MOXD1: variants seen among roughly 807,000 people sequenced by gnomAD.
MOXD1 encodes monooxygenase DBH like 1.
A neutral mutation model predicts 66.6 loss-of-function variants in MOXD1; 62 were observed. The ratio of observed to expected loss-of-function variants is 0.93; its 90% CI spans 0.76 to 1.15. The LOEUF (loss-of-function observed/expected upper bound fraction) is 1.15, where lower values mean the gene tolerates loss of function less well. Among genes scored for constraint, MOXD1 ranks in the 50% most tolerant of loss-of-function variants. MOXD1 has a pLI of 0.00. For missense variants in MOXD1, 847 were observed against 754.6 expected (o/e 1.12, Z -1.44); for synonymous variants, 303 against 281.9 (o/e 1.07, Z -0.75).
At chr6:132,357,352 A>G (rs1775927977) in intron 4 of MOXD1, among the ~76,000 whole-genome samples, 1 of 152,134 alleles carries the variant, frequency 6.6e-6, no homozygotes, top group African/African-American at 2.4e-5. Flanking sequence ...TGAAAAAAGA[A>G]CTTAGTTCTC....
intron 1 of MOXD1, chr6:132,391,471 A>T (rs879362141): frequency 3.9e-5 from 6 of 152,218 alleles, no homozygotes; most frequent in Non-Finnish European, 7.3e-5. Flanking sequence ...AACAAGTTAA[A>T]AAGAAATAGA....
intron 1 of MOXD1, among the ~76,000 whole-genome samples, chr6:132,375,274 T>C (rs1396880382): frequency 6.6e-6 from 1 of 152,192 alleles, no homozygotes; most frequent in Non-Finnish European, 1.5e-5. Flanking sequence ...TGTTTCAATA[T>C]GACTTTTAAT....
At chr6:132,330,145 G>A (rs892186049) in intron 4 of MOXD1, among the ~76,000 whole-genome samples, 2 of 152,174 alleles carry the variant, frequency 1.3e-5, no homozygotes, top group Admixed American at 6.5e-5. Context: ...GGCTGTAGGT[G>A]TTGCATCAGT....
chr6:132,310,712 T>C (rs902794433), intron 10 of MOXD1, among the ~76,000 whole-genome samples: 1 of 152,068 alleles, frequency 6.6e-6, no homozygotes, highest in Non-Finnish European at 1.5e-5. Flanking sequence ...TGGATGAAGA[T>C]GGAAGCCAAT....
intron 10 of MOXD1, among the ~76,000 whole-genome samples, chr6:132,306,933 A>G (rs1281185562): frequency 6.6e-6 from 1 of 152,244 alleles, no homozygotes; most frequent in Non-Finnish European, 1.5e-5. Flanking sequence ...GACCAATGAC[A>G]CTATGAAGAA....
At chr6:132,379,201 T>C (rs1278518502) in intron 1 of MOXD1, among the ~76,000 whole-genome samples, 4 of 151,946 alleles carry the variant, frequency 2.6e-5, no homozygotes, top group South Asian at 4.2e-4. Flanking sequence ...TGCAGAGTTG[T>C]CTTAACATTA....
rs749051849 is a variant in MOXD1 at position 132,401,376 on chromosome 6, C to T, written c.51G>A (p.Ala17=). The change falls in exon 1 of 12, where the codon GCG becomes GCA. Residue 17 remains alanine, a synonymous_variant. Coordinates refer to ENST00000367963, the MANE Select transcript of MOXD1 (RefSeq NM_015529.4). ...LLLWGLLPGT[A]AGGSGRTYPH... ...GATAGGTTCGGCCCGAGCCCCCCGC[C>T]GCCGTCCCGGGGAGCAGCCCCCACA... 5 of 1,542,992 alleles carry T rather than the reference C, an allele frequency of 3.2e-6. No individual in the cohort carries two copies. The South Asian group carries it at 3.6e-5, about 11-fold the overall frequency.
At chr6:132,386,336 A>C (rs546921295) in intron 1 of MOXD1, among the ~76,000 whole-genome samples, 1 of 149,270 alleles carries the variant, frequency 6.7e-6, no homozygotes, top group Non-Finnish European at 1.5e-5. Flanking sequence ...CGGGAGGCGG[A>C]GCTTGCAGTG....
At chr6:132,341,731 A>G (rs1019088724) in intron 4 of MOXD1, among the ~76,000 whole-genome samples, 9 of 152,166 alleles carry the variant, frequency 5.9e-5, no homozygotes, top group South Asian at 2.1e-4. Flanking sequence ...TCCCCATCCA[A>G]TAAGTCCCCC....
intron 4 of MOXD1, among the ~76,000 whole-genome samples, chr6:132,335,096 A>T (rs1472576965): frequency 6.6e-6 from 1 of 152,102 alleles, no homozygotes; most frequent in African/African-American, 2.4e-5. Flanking sequence ...AAAGAATGAG[A>T]TCTTTGACAA....
At chr6:132,303,847 A>G (rs1298940584) in intron 10 of MOXD1, among the ~76,000 whole-genome samples, 1,385 of 52,788 alleles carry the variant, frequency 0.026, 11 homozygotes, top group East Asian at 0.062. Context: ...ATATATATAT[A>G]TATATATATA....
In MOXD1 at chr6:132,328,457, G is replaced by A. The variant is rs374353646; in HGVS notation, c.801C>T (p.Leu267=). 5 of 1,613,446 alleles carry A rather than the reference G, an allele frequency of 3.1e-6. No homozygotes were observed. Among genetic ancestry groups the A allele is most frequent in the African/African-American group, 1.3e-5 (1 of 74,914 alleles). The change falls in exon 5 of 12, where the codon CTC becomes CTT. Residue 267 remains leucine, a synonymous_variant. Coordinates refer to ENST00000367963, the MANE Select transcript of MOXD1 (RefSeq NM_015529.4). ...CYHPNMPDAF[L]TCETVIFAWA... ...AGGCAAAAATCACAGTTTCACAGGT[G>A]AGGAATGCATCGGGCATGTTGGGGT...
intron 1 of MOXD1, among the ~76,000 whole-genome samples, chr6:132,384,426 T>C (rs1293238053): frequency 6.6e-6 from 1 of 152,184 alleles, no homozygotes; most frequent in Non-Finnish European, 1.5e-5. Context: ...ATGACTATAC[T>C]GGACAGTAGA....
chr6:132,309,963 C>A (rs556040368), intron 10 of MOXD1, among the ~76,000 whole-genome samples: 1 of 152,270 alleles, frequency 6.6e-6, no homozygotes, highest in South Asian at 2.1e-4. Context: ...ATGACAAAAA[C>A]GCCAAAAGCA....
chr6:132,313,872 G>A (rs550517739), intron 10 of MOXD1, among the ~76,000 whole-genome samples: 26 of 152,174 alleles, frequency 1.7e-4, no homozygotes, highest in East Asian at 3.9e-4. Context: ...CTGAGATCGC[G>A]TCACTGCACT....
intron 1 of MOXD1, among the ~76,000 whole-genome samples, chr6:132,389,654 A>G (rs1437667375): frequency 6.6e-6 from 1 of 151,504 alleles, no homozygotes; most frequent in Non-Finnish European, 1.5e-5. Context: ...AAATTTTGAC[A>G]TAGGAATAAA....
At chr6:132,374,864 G>T in intron 1 of MOXD1, 87 bp from the exon 2 acceptor site, 1 of 1,289,262 alleles carries the variant, frequency 7.8e-7, no homozygotes, top group Non-Finnish European at 1.1e-6. Context: ...AAGTCTTGTT[G>T]TCTAGAGTTA....
At chr6:132,393,050 G>A (rs1776799912) in intron 1 of MOXD1, among the ~76,000 whole-genome samples, 2 of 152,244 alleles carry the variant, frequency 1.3e-5, no homozygotes, top group Admixed American at 1.3e-4. Context: ...AAAATATATG[G>A]TTGCTGAATT....
intron 4 of MOXD1, among the ~76,000 whole-genome samples, chr6:132,340,651 T>C (rs1335181357): frequency 7.3e-6 from 1 of 136,072 alleles, no homozygotes; most frequent in East Asian, 2.2e-4. Flanking sequence ...TTTTTTTTTT[T>C]TTTTTTTTTT....
Sources: gnomAD v4.1 joint callset for allele counts (sites outside exome capture counted in the v4.1 genomes callset) on GRCh38, gnomAD v4.1.1 for gene constraint, MANE v1.5 for transcripts, NCBI Gene and HGNC (gene_info 2026-07-23, HGNC 2026-07-21) for gene names.